Variants in UBASH3B observed in about 807,000 individuals in gnomAD.
UBASH3B encodes the protein ubiquitin-associated and SH3 domain-containing protein B.
In UBASH3B, 37 loss-of-function variants were observed where a neutral mutation model predicts 83.4. The ratio of observed to expected loss-of-function variants is 0.44; its 90% confidence interval spans 0.34 to 0.58. The LOEUF is 0.58. Ranked by LOEUF, UBASH3B falls within the 20% of genes least tolerant of loss-of-function variation. The pLI is 0.01. For missense variants in UBASH3B, 657 were observed against 827.2 expected (o/e 0.79, Z 2.52); for synonymous variants, 304 against 318.3 (o/e 0.96, Z 0.48).
intron 1 of UBASH3B, among the ~76,000 whole-genome samples, chr11:122,677,180 C>T (rs539067825): frequency 1.3e-5 from 2 of 152,200 alleles, no homozygotes; most frequent in African/African-American, 2.4e-5. Context: ...ATGTTGTAAT[C>T]GGTATTATAA....
intron 1 of UBASH3B, among the ~76,000 whole-genome samples, chr11:122,699,451 C>G (rs1336332412): frequency 6.6e-6 from 1 of 152,060 alleles, no homozygotes; most frequent in African/African-American, 2.4e-5. Context: ...TATCCACCTT[C>G]CAAAATTATT....
At chr11:122,747,087 C>G (rs1334184387) in intron 1 of UBASH3B, among the ~76,000 whole-genome samples, 5 of 152,200 alleles carry the variant, frequency 3.3e-5, no homozygotes, top group African/African-American at 1.2e-4. Flanking sequence ...GGGTGGTCAC[C>G]GGAGAGGCAG....
At chr11:122,722,534 C>T (rs1860657859) in intron 1 of UBASH3B, among the ~76,000 whole-genome samples, 1 of 152,052 alleles carries the variant, frequency 6.6e-6, no homozygotes, top group South Asian at 2.1e-4. Flanking sequence ...ATCTAGATAT[C>T]CAAGGAGAAA....
At chr11:122,656,778 T>A (rs961035454) in intron 1 of UBASH3B, among the ~76,000 whole-genome samples, 2 of 152,080 alleles carry the variant, frequency 1.3e-5, no homozygotes. Flanking sequence ...TGCGTGTTCA[T>A]TGATGGGGAG....
intron 1 of UBASH3B, among the ~76,000 whole-genome samples, chr11:122,696,012 C>T (rs756772979): frequency 2.0e-5 from 3 of 151,770 alleles, no homozygotes; most frequent in South Asian, 2.1e-4. Context: ...TGTAGTGGTG[C>T]GATCGCTGCT....
chr11:122,754,386 T>C (rs568189781), intron 1 of UBASH3B, among the ~76,000 whole-genome samples: 32 of 152,328 alleles, frequency 2.1e-4, no homozygotes, highest in South Asian at 8.3e-4. Flanking sequence ...CTAGTGAACA[T>C]AGAACAGTAA....
rs77098925 is a variant in UBASH3B, at chr11:122,770,445, G to A, written c.162-5774G>A. 5.2e-3 allele frequency among the ~76,000 whole-genome samples: 698 copies of A among 134,602 alleles called. 5 individuals carry two copies. The highest frequency in any genetic ancestry group is 0.018 in the African/African-American group (641 of 34,850). The allele number at this position is 134,602 out of a possible 152,430, so 88.3% of individuals were successfully genotyped here. A position where few individuals can be genotyped will look rare whatever the true frequency, so the allele number is the denominator to read the frequency against. Reference sequence around the variant, plus strand: ...CTGGGATAACCTATCCCTCTGAGTCGGGGATGTCTTAAGTGTTTTTTTTTT... The same window carrying A: ...CTGGGATAACCTATCCCTCTGAGTCAGGGATGTCTTAAGTGTTTTTTTTTT... On this transcript the variant is annotated intron_variant, in intron 1 of 13. Coordinates refer to ENST00000284273, the MANE Select transcript of UBASH3B (RefSeq NM_032873.5).
chr11:122,734,920 G>A (rs1308448427), intron 1 of UBASH3B, among the ~76,000 whole-genome samples: 1 of 143,424 alleles, frequency 7.0e-6, no homozygotes, highest in Non-Finnish European at 1.6e-5. Flanking sequence ...GCTCTTTATG[G>A]CTTTCCTTAT....
intron 1 of UBASH3B, among the ~76,000 whole-genome samples, chr11:122,690,081 G>T (rs1863862569): frequency 6.7e-6 from 1 of 149,560 alleles, no homozygotes; most frequent in Admixed American, 6.7e-5. Flanking sequence ...TCAGAGGCCT[G>T]CTTTGGAAGA....
At position 122,806,428 on chromosome 11, in the gene UBASH3B, C is replaced by T. The variant is rs1861340708; in HGVS notation, c.1614C>T (p.Ser538=). The T allele has an allele frequency of 1.2e-6, 2 of 1,602,504 alleles. No homozygotes were observed. The highest frequency in any genetic ancestry group is 1.3e-5 in the African/African-American group (1 of 74,360). ...DTTYRPHIPI[S]KLVVSESYDT... is the part of the protein sequence containing the mutation. ...ATTACAGACCTCACATTCCAATCAG[C>T]AAATTAGTTGTTTCAGAATCCTATG... Residue 538 remains serine, a synonymous_variant, in exon 12 of 14, where the codon AGC becomes AGT. Coordinates refer to ENST00000284273, the MANE Select transcript of UBASH3B (RefSeq NM_032873.5). The surrounding 1 kb of genome is among the most constrained non-coding windows in gnomAD (Gnocchi z 4.0).
At chr11:122,771,342 C>CCT (rs1860639090) in intron 1 of UBASH3B, among the ~76,000 whole-genome samples, 3 of 152,088 alleles carry the variant, frequency 2.0e-5, no homozygotes, top group African/African-American at 7.2e-5. Flanking sequence ...AAGTGATTCT[C>CCT]CTGCCTCAGC....
At position 122,771,936 on chromosome 11, in the gene UBASH3B, C is replaced by T. The variant is rs144157955; in HGVS notation, c.162-4283C>T. Reference sequence around the variant, plus strand: ...TCATTGCCTGTTCCACATTGATTTTCGCTGGATACTTGGTTTTTATTACAA... The same window carrying T: ...TCATTGCCTGTTCCACATTGATTTTTGCTGGATACTTGGTTTTTATTACAA... On this transcript the variant is annotated intron_variant, in intron 1 of 13. Transcript: ENST00000284273. Among the ~76,000 whole-genome samples the T allele has an allele frequency of 1.4e-3, 207 of 152,250 alleles. 2 individuals are homozygous for T. The highest frequency in any genetic ancestry group is 4.6e-3 in the African/African-American group (190 of 41,524).
intron 1 of UBASH3B, among the ~76,000 whole-genome samples, chr11:122,724,007 C>G (rs565671804): frequency 5.3e-5 from 8 of 152,294 alleles, no homozygotes; most frequent in African/African-American, 1.9e-4. Context: ...TGGGTGGTCC[C>G]CTCATCCCAG....
chr11:122,659,247 G>C (rs979011304), intron 1 of UBASH3B, among the ~76,000 whole-genome samples: 3 of 152,106 alleles, frequency 2.0e-5, no homozygotes, highest in Non-Finnish European at 4.4e-5. Flanking sequence ...TAGGATGTGG[G>C]TGTCTTTTGG....
chr11:122,742,078 A>G (rs531163064), intron 1 of UBASH3B, among the ~76,000 whole-genome samples: 152 of 152,262 alleles, frequency 1.0e-3, no homozygotes, highest in African/African-American at 3.5e-3. Flanking sequence ...CGAAATCTGG[A>G]GTTGGACACA....
chr11:122,764,112 T>C (rs1292367487), intron 1 of UBASH3B, among the ~76,000 whole-genome samples: 1 of 152,218 alleles, frequency 6.6e-6, no homozygotes, highest in East Asian at 1.9e-4. Flanking sequence ...GGAAAAACTT[T>C]CTGAGTGCAA....
chr11:122,709,675 T>C (rs1864165584), intron 1 of UBASH3B, among the ~76,000 whole-genome samples: 1 of 152,194 alleles, frequency 6.6e-6, no homozygotes, highest in Non-Finnish European at 1.5e-5. Flanking sequence ...TCATCAAGCA[T>C]TCCTGACATC....
intron 5 of UBASH3B, among the ~76,000 whole-genome samples, chr11:122,785,585 A>T (rs1246196095): frequency 6.6e-6 from 1 of 152,224 alleles, no homozygotes; most frequent in Non-Finnish European, 1.5e-5. Context: ...ACATTGGGCC[A>T]TGCCAGTTTA....
At chr11:122,667,112 C>T (rs1863530354) in intron 1 of UBASH3B, among the ~76,000 whole-genome samples, 1 of 141,834 alleles carries the variant, frequency 7.1e-6, no homozygotes. Flanking sequence ...GTTGTGATCT[C>T]AGCTCACTGC....
Sources: allele counts gnomAD v4.1 joint callset (sites outside exome capture counted in the v4.1 genomes callset), GRCh38; gene constraint gnomAD v4.1.1; non-coding constraint Gnocchi (gnomAD v3.1); transcripts MANE v1.5; gene names NCBI Gene and HGNC (gene_info 2026-07-23, HGNC 2026-07-21).